RSU1: variants seen among roughly 807,000 people sequenced by gnomAD.
The protein encoded by RSU1 is Ras suppressor protein 1.
Under a neutral mutation model 31.1 loss-of-function variants are expected in RSU1, and 26 were observed. The observed-to-expected ratio is 0.84, with a 90% CI of 0.61 to 1.16. The LOEUF is 1.16. RSU1 is among the 50% of genes most tolerant of loss of function. RSU1 has a pLI of 0.00. For missense variants in RSU1, 320 were observed against 339.1 expected, an observed-to-expected ratio of 0.94 and a Z score of 0.44; for synonymous variants, 164 against 136.3, an observed-to-expected ratio of 1.20 and a Z score of -1.41.
intron 2 of RSU1, among the ~76,000 whole-genome samples, chr10:16,802,403 C>G (rs184785102): frequency 6.6e-6 from 1 of 151,960 alleles, no homozygotes; most frequent in Non-Finnish European, 1.5e-5. Context: ...AGTGGGCCTA[C>G]GTCTATTAAA....
chr10:16,687,608 C>A (rs7076105), intron 8 of RSU1, among the ~76,000 whole-genome samples: 2 of 151,976 alleles, frequency 1.3e-5, no homozygotes, highest in Non-Finnish European at 2.9e-5. Flanking sequence ...TCCTTACATC[C>A]TCTGTATTCC....
chr10:16,646,722 T>A (rs1457555944), intron 8 of RSU1, among the ~76,000 whole-genome samples: 3 of 152,216 alleles, frequency 2.0e-5, no homozygotes, highest in African/African-American at 7.2e-5. Flanking sequence ...GTGGCAAGCA[T>A]TAGCTTGCAA....
intron 8 of RSU1, among the ~76,000 whole-genome samples, chr10:16,634,586 T>C (rs1393452593): frequency 2.0e-5 from 3 of 152,250 alleles, no homozygotes; most frequent in Admixed American, 6.5e-5. Flanking sequence ...CTGCATCTTA[T>C]GTTCTAGATT....
Position 16,707,977 on chromosome 10 carries a change from T to C in RSU1, c.599-12822A>G, listed in dbSNP as rs1390678397. Among the ~76,000 whole-genome samples the C allele has an allele frequency of 3.3e-5, 5 of 152,212 alleles. No homozygotes were observed. The East Asian group carries it at 9.6e-4, about 29-fold the overall frequency. ...CACCATTTACTAAAGAGATTTGTCT[T>C]TTCCTTAATGTGTGTTCTTGCCACC... On this transcript the variant is annotated intron_variant, in intron 7 of 8. Transcript: ENST00000345264.
intron 7 of RSU1, among the ~76,000 whole-genome samples, chr10:16,737,434 A>C (rs943525838): frequency 6.6e-6 from 1 of 152,066 alleles, no homozygotes; most frequent in African/African-American, 2.4e-5. Flanking sequence ...GAGACAAGAA[A>C]ACACCCTTGA....
chr10:16,765,592 G>A (rs77033199), intron 3 of RSU1, among the ~76,000 whole-genome samples: 1 of 152,204 alleles, frequency 6.6e-6, no homozygotes, highest in African/African-American at 2.4e-5. Context: ...ATTGGCAGCA[G>A]CAGGAGTTTC....
At chr10:16,803,706 A>T (rs950976063) in intron 2 of RSU1, among the ~76,000 whole-genome samples, 17 of 152,230 alleles carry the variant, frequency 1.1e-4, no homozygotes, top group Non-Finnish European at 2.4e-4. Flanking sequence ...TCTTTGGCAA[A>T]AGTGCAAAGG....
chr10:16,817,072 A>C lies in RSU1; in HGVS notation c.10T>G (p.Ser4Ala). The C allele has an allele frequency of 1.2e-6, 2 of 1,613,176 alleles. No homozygotes were observed. The highest frequency in any genetic ancestry group is 1.7e-6 in the Non-Finnish European group (2 of 1,179,106). Residue 4 changes from serine (S) to alanine (A), a missense_variant, in exon 2 of 9, where the codon TCT becomes GCT. Coordinates refer to ENST00000345264, the MANE Select transcript of RSU1 (RefSeq NM_012425.4). ...CTCTCCTCCACCAACTTCTTCAGAG[A>C]CTTGGACATGGTCTGCACCGAACAA... Reference protein sequence around the residue: MSKSLKKLVEESRE... With the variant: MSKALKKLVEESRE...
At chr10:16,754,769 G>A (rs1837048960) in intron 5 of RSU1, 102 bp downstream of exon 5, 1 of 717,446 alleles carries the variant, frequency 1.4e-6, no homozygotes, top group East Asian at 2.6e-5. Flanking sequence ...AATTATCTCT[G>A]TCCAATAATT....
At chr10:16,701,288 C>T (rs1056182738) in intron 7 of RSU1, among the ~76,000 whole-genome samples, 4 of 152,196 alleles carry the variant, frequency 2.6e-5, no homozygotes, top group South Asian at 4.1e-4. Flanking sequence ...GTGAACATCA[C>T]GCTTGTGGCC....
chr10:16,628,465 T>C (rs1258241883), intron 8 of RSU1, among the ~76,000 whole-genome samples: 1 of 150,810 alleles, frequency 6.6e-6, no homozygotes. Context: ...CTTAAAAACA[T>C]CACTGACCAC....
chr10:16,667,111 G>C (rs1416247327), intron 8 of RSU1, among the ~76,000 whole-genome samples: 2 of 152,178 alleles, frequency 1.3e-5, no homozygotes, highest in African/African-American at 4.8e-5. Flanking sequence ...TAAAGACTCT[G>C]GGTCTATCTC....
At chr10:16,722,861 CATAT>C (rs1836298398) in intron 7 of RSU1, among the ~76,000 whole-genome samples, 1 of 134,324 alleles carries the variant, frequency 7.4e-6, no homozygotes, top group Non-Finnish European at 1.7e-5. Context: ...CACATATATA[CATAT>C]ATGTATATAT....
intron 2 of RSU1, among the ~76,000 whole-genome samples, chr10:16,807,881 G>A (rs1838307983): frequency 6.6e-6 from 1 of 152,042 alleles, no homozygotes; most frequent in African/African-American, 2.4e-5. Context: ...AAATTAGCCG[G>A]GCTTGGTGGC....
chr10:16,788,451 A>G (rs1456554730), intron 2 of RSU1, among the ~76,000 whole-genome samples: 1 of 152,146 alleles, frequency 6.6e-6, no homozygotes, highest in Non-Finnish European at 1.5e-5. Flanking sequence ...ATAAGAGGAG[A>G]CATGTGAGAC....
chr10:16,784,535 G>T (rs1837730393), intron 2 of RSU1, among the ~76,000 whole-genome samples: 1 of 152,042 alleles, frequency 6.6e-6, no homozygotes, highest in Admixed American at 6.6e-5. Flanking sequence ...CTTCACATGG[G>T]GTATTAGCCT....
intron 8 of RSU1, among the ~76,000 whole-genome samples, chr10:16,615,877 G>C (rs1039983002): frequency 2.0e-5 from 3 of 152,190 alleles, no homozygotes; most frequent in African/African-American, 7.2e-5. Flanking sequence ...CTAAAGCAGT[G>C]TTTAGAGGGA....
intron 7 of RSU1, among the ~76,000 whole-genome samples, chr10:16,710,477 T>C (rs960800059): frequency 1.3e-5 from 2 of 152,236 alleles, no homozygotes; most frequent in South Asian, 2.1e-4. Context: ...GCTGTTGTTG[T>C]TGTATCGTTG....
intron 8 of RSU1, among the ~76,000 whole-genome samples, chr10:16,621,166 G>T (rs540418371): frequency 6.6e-6 from 1 of 152,274 alleles, no homozygotes; most frequent in African/African-American, 2.4e-5. Flanking sequence ...GATATTTTTG[G>T]TTGTCAATTG....
Sources: allele counts gnomAD v4.1 joint callset (sites outside exome capture counted in the v4.1 genomes callset), GRCh38; gene constraint gnomAD v4.1.1; transcripts MANE v1.5; gene names NCBI Gene and HGNC (gene_info 2026-07-23, HGNC 2026-07-21).